Variants in MED26 observed in about 807,000 individuals in gnomAD.
MED26 encodes the protein mediator complex subunit 26.
MED26 carries 7 observed loss-of-function variants against 43.7 expected under a neutral mutation model. The ratio of observed to expected loss-of-function variants is 0.16; its 90% confidence interval spans 0.09 to 0.30. The LOEUF (loss-of-function observed/expected upper bound fraction) is 0.30. MED26 is among the 10% of genes least tolerant of loss of function. The pLI, the probability that MED26 is intolerant of heterozygous loss-of-function variation, is 1.00. For synonymous variants in MED26, 375 were observed against 371.1 expected, an observed-to-expected ratio of 1.01 and a Z score of -0.12; for missense variants, 784 against 840.6, an observed-to-expected ratio of 0.93 and a Z score of 0.83.
intron 1 of MED26, among the ~76,000 whole-genome samples, chr19:16,602,723 T>C (rs765653290): frequency 6.6e-6 from 1 of 152,178 alleles, no homozygotes; most frequent in Non-Finnish European, 1.5e-5. Flanking sequence ...GAAGACATTA[T>C]GCTGAGGGAA....
intron 1 of MED26, among the ~76,000 whole-genome samples, 178 bp downstream of exon 1, chr19:16,627,694 G>C (rs994460449): frequency 6.6e-6 from 1 of 152,238 alleles, no homozygotes; most frequent in South Asian, 2.1e-4. Flanking sequence ...GCGCTGCCGG[G>C]CTGCCCGACC....
chr19:16,609,302 A>G (rs2086188184), intron 1 of MED26, among the ~76,000 whole-genome samples: 2 of 124,744 alleles, frequency 1.6e-5, no homozygotes, highest in African/African-American at 6.8e-5. Context: ...ACAGAGCGAG[A>G]CTCCGTCTCA....
At chr19:16,610,274 AAATAAT>A (rs1404876389) in intron 1 of MED26, 1 of 152,148 alleles carries the variant, frequency 6.6e-6, no homozygotes, top group African/African-American at 2.4e-5. Context: ...TGTCTCTAAA[AAATAAT>A]AATAATAAGC....
chr19:16,591,711 AGTCT>A (rs2086098458), intron 1 of MED26, among the ~76,000 whole-genome samples: 1 of 152,224 alleles, frequency 6.6e-6, no homozygotes, highest in Non-Finnish European at 1.5e-5. Flanking sequence ...GGCAAACGAC[AGTCT>A]GCTCTCCCCA....
intron 1 of MED26, among the ~76,000 whole-genome samples, chr19:16,594,746 C>T (rs2086112788): frequency 6.6e-6 from 1 of 152,112 alleles, no homozygotes; most frequent in African/African-American, 2.4e-5. Context: ...TTTCCCCCAC[C>T]TTCATCTTCA....
chr19:16,608,775 G>A (rs991434214), intron 1 of MED26, among the ~76,000 whole-genome samples: 3 of 152,136 alleles, frequency 2.0e-5, no homozygotes, highest in East Asian at 1.9e-4. Context: ...GAAGCTCTAC[G>A]GCCATATGGC....
chr19:16,591,792 CAG>C (rs1483616805), intron 1 of MED26, among the ~76,000 whole-genome samples: 9 of 152,240 alleles, frequency 5.9e-5, no homozygotes, highest in Non-Finnish European at 1.2e-4. Context: ...GTGCGTCTGA[CAG>C]AGTCTTTTCC....
At chr19:16,623,291 TA>T (rs2086259624) in intron 1 of MED26, among the ~76,000 whole-genome samples, 1 of 152,096 alleles carries the variant, frequency 6.6e-6, no homozygotes, top group South Asian at 2.1e-4. Flanking sequence ...ATATACAGAG[TA>T]AAGACAGGAG....
chr19:16,582,447 C>T (rs118132899), intron 1 of MED26, among the ~76,000 whole-genome samples: 1 of 152,264 alleles, frequency 6.6e-6, no homozygotes, highest in Non-Finnish European at 1.5e-5. Flanking sequence ...TCCCAAAGAA[C>T]ACTTAGCACC....
intron 1 of MED26, chr19:16,610,527 G>T (rs2086195134): frequency 6.6e-6 from 1 of 151,834 alleles, no homozygotes; most frequent in South Asian, 2.1e-4. Flanking sequence ...TGGTAGCTGG[G>T]ATTACAAGCA....
intron 1 of MED26, among the ~76,000 whole-genome samples, chr19:16,626,391 A>G (rs1249862076): frequency 6.6e-6 from 1 of 152,192 alleles, no homozygotes; most frequent in Non-Finnish European, 1.5e-5. Context: ...TGCAAAAAGG[A>G]CATTCTAGAA....
Position 16,577,817 on chromosome 19 carries a change from A to G in MED26, c.148-135T>C. On this transcript the variant is annotated intron_variant, in intron 2 of 2. Transcript: ENST00000263390. The surrounding 1 kb of genome is among the most constrained non-coding windows in gnomAD (Gnocchi z 8.1). Reference sequence around the variant, plus strand: ...GAGCCCTAAACTGCCAGCTTCCCTGACACAAAACTTCTGGGGATTTCCGGT... The same window carrying G: ...GAGCCCTAAACTGCCAGCTTCCCTGGCACAAAACTTCTGGGGATTTCCGGT... The G allele has an allele frequency of 1.6e-6, 1 of 616,024 alleles. No homozygotes were observed. The highest frequency in any genetic ancestry group is 2.7e-6 in the Non-Finnish European group (1 of 365,456). The allele number at this position is 616,024 out of a possible 1,614,324, so 38.2% of individuals were successfully genotyped here.
intron 2 of MED26, 125 bp downstream of exon 2, chr19:16,578,210 C>T (rs757624840): frequency 2.2e-6 from 2 of 914,612 alleles, no homozygotes; most frequent in Non-Finnish European, 3.6e-6. Flanking sequence ...TGTGAGGGCA[C>T]ACCGCCTCTC....
At chr19:16,594,080 T>C (rs2086109791) in intron 1 of MED26, among the ~76,000 whole-genome samples, 1 of 152,162 alleles carries the variant, frequency 6.6e-6, no homozygotes, top group African/African-American at 2.4e-5. Flanking sequence ...ATTAAAGCAA[T>C]GTGGAAATTA....
intron 2 of MED26, 82 bp downstream of exon 2, chr19:16,578,253 C>G (rs1197176140): frequency 7.7e-7 from 1 of 1,292,252 alleles, no homozygotes. Context: ...CTGATGCTCC[C>G]AGAAGCTGCG....
intron 1 of MED26, among the ~76,000 whole-genome samples, chr19:16,622,736 T>C (rs762253937): frequency 2.0e-5 from 3 of 152,058 alleles, no homozygotes; most frequent in Non-Finnish European, 4.4e-5. Flanking sequence ...AGCCTACCAC[T>C]AGGAATACAA....
chr19:16,619,953 G>A (rs373924335), intron 1 of MED26, among the ~76,000 whole-genome samples: 6 of 152,206 alleles, frequency 3.9e-5, no homozygotes, highest in Admixed American at 1.3e-4. Context: ...CCGAAGGATC[G>A]CTGGGGACCC....
At chr19:16,623,212 T>C (rs1227564200) in intron 1 of MED26, among the ~76,000 whole-genome samples, 1 of 152,194 alleles carries the variant, frequency 6.6e-6, no homozygotes, top group Non-Finnish European at 1.5e-5. Context: ...TCACAGGTGA[T>C]ACTTGCTACC....
intron 1 of MED26, among the ~76,000 whole-genome samples, chr19:16,599,330 C>T (rs527757820): frequency 2.0e-5 from 3 of 152,300 alleles, no homozygotes; most frequent in African/African-American, 4.8e-5. Context: ...ATCCTCTAAC[C>T]CATAGGCTTT....
Sources: gnomAD v4.1 joint callset for allele counts (sites outside exome capture counted in the v4.1 genomes callset) on GRCh38, gnomAD v4.1.1 for gene constraint, Gnocchi (gnomAD v3.1) non-coding constraint, MANE v1.5 for transcripts, NCBI Gene and HGNC (gene_info 2026-07-23, HGNC 2026-07-21) for gene names.